The following GLCCI1 variants were observed in gnomAD, a reference collection of about 807,000 sequenced individuals.
GLCCI1 encodes the protein glucocorticoid-induced transcript 1 protein.
In GLCCI1, 24 loss-of-function variants were observed where a neutral mutation model predicts 52.2. The observed-to-expected ratio is 0.46, with a 90% CI of 0.33 to 0.65. GLCCI1 has a LOEUF of 0.65. GLCCI1 is among the 30% of genes least tolerant of loss of function. The pLI, the probability that GLCCI1 is intolerant of heterozygous loss-of-function variation, is 0.02. For missense variants in GLCCI1, 704 were observed against 701.5 expected (o/e 1.00, Z -0.04); for synonymous variants, 310 against 276.5 (o/e 1.12, Z -1.20).
intron 3 of GLCCI1, among the ~76,000 whole-genome samples, chr7:8,043,116 A>C (rs898267939): frequency 2.6e-5 from 4 of 152,234 alleles, no homozygotes; most frequent in Non-Finnish European, 4.4e-5. Context: ...TTTTAGCAAT[A>C]AAGTATTTTA....
At chr7:8,058,523 G>T (rs1453390664) in intron 4 of GLCCI1, among the ~76,000 whole-genome samples, 1 of 152,096 alleles carries the variant, frequency 6.6e-6, no homozygotes, top group African/African-American at 2.4e-5. Context: ...CTCTGCCTAG[G>T]GATTATCAGA....
At chr7:7,992,302 T>C in intron 1 of GLCCI1, among the ~76,000 whole-genome samples, 1 of 152,028 alleles carries the variant, frequency 6.6e-6, no homozygotes, top group East Asian at 1.9e-4. Flanking sequence ...CCCATAGAGA[T>C]ACTGAACATA....
rs58585860 is a variant in GLCCI1, at chr7:8,081,645, A to G, written c.1178-3252A>G. Among the ~76,000 whole-genome samples, 51 of 152,316 alleles carry G rather than the reference A, an allele frequency of 3.3e-4. 1 individual carries two copies. In the East Asian group the frequency reaches 8.9e-3, roughly 26 times the overall value. Reference sequence around the variant, plus strand: ...CAGAATACTCAAGCTATACAAGTACATGTAGTTTAATGAATATTGTTTCTA... The same window carrying G: ...CAGAATACTCAAGCTATACAAGTACGTGTAGTTTAATGAATATTGTTTCTA... On this transcript the variant is annotated intron_variant, in intron 6 of 7. Coordinates refer to ENST00000223145, the MANE Select transcript of GLCCI1 (RefSeq NM_138426.4).
At position 7,990,329 on chromosome 7, in the gene GLCCI1, G is replaced by A. The variant is rs547811174; in HGVS notation, c.458-13579G>A. 4.6e-5 allele frequency among the ~76,000 whole-genome samples: 7 copies of A among 152,174 alleles called. No homozygotes were observed. The South Asian group carries it at 1.0e-3, about 23-fold the overall frequency. On this transcript the variant is annotated intron_variant, in intron 1 of 7. Transcript: ENST00000223145. ...AAACTTTGTGACTGTAGTCTGTATC[G>A]CCTGGACAGTGCCATTTTGACTGAA...
chr7:8,007,712 C>T (rs1033702822), intron 2 of GLCCI1, among the ~76,000 whole-genome samples: 2 of 152,192 alleles, frequency 1.3e-5, no homozygotes, highest in Admixed American at 6.5e-5. Flanking sequence ...AGACATTAAA[C>T]ACCTGGGCTG....
rs571726894 is a variant in GLCCI1, at chr7:8,023,588, C to CTTTTTTTT, written c.696+1040_696+1047dup. Among the ~76,000 whole-genome samples, 97 of 41,990 alleles carry CTTTTTTTT rather than the reference C, an allele frequency of 2.3e-3. 8 individuals are homozygous for CTTTTTTTT. Among genetic ancestry groups the CTTTTTTTT allele is most frequent in the East Asian group, 7.0e-3 (12 of 1,718 alleles). The allele number at this position is 41,990 out of a possible 152,430, so 27.5% of individuals were successfully genotyped here. A position where few individuals can be genotyped will look rare whatever the true frequency, so the allele number is the denominator to read the frequency against. On this transcript the variant is annotated intron_variant, in intron 3 of 7. Transcript: ENST00000223145. ...AGATGGTCATCTAATCTCTGTTATT[C>CTTTTTTTT]TTTTTTTTTTTTTTTTTTTTTTTTT...
At position 7,985,551 on chromosome 7, in the gene GLCCI1, C is replaced by A. The variant is rs1012583510; in HGVS notation, c.457+15744C>A. On this transcript the variant is annotated intron_variant, in intron 1 of 7. Coordinates refer to ENST00000223145, the MANE Select transcript of GLCCI1 (RefSeq NM_138426.4). The stretch of plus-strand genomic sequence containing the variant: ...CCTGGAACTTTAAGTTAAAAAAAAA[C>A]CAGTGAACACCCAACTAGACATATT... Among the ~76,000 whole-genome samples the A allele has an allele frequency of 7.3e-5, 11 of 150,426 alleles. No individual in the cohort carries two copies. In the East Asian group the frequency reaches 7.8e-4, roughly 11 times the overall value.
At chr7:8,033,108 T>C (rs891038821) in intron 3 of GLCCI1, among the ~76,000 whole-genome samples, 22 of 151,894 alleles carry the variant, frequency 1.4e-4, no homozygotes, top group Admixed American at 1.4e-3. Context: ...ATCAGAAAAT[T>C]AGTTAATGGC....
intron 4 of GLCCI1, among the ~76,000 whole-genome samples, chr7:8,059,105 G>A (rs1782461432): frequency 6.6e-6 from 1 of 152,184 alleles, no homozygotes; most frequent in South Asian, 2.1e-4. Context: ...CAGGGTGGCA[G>A]AGGTGGAAGA....
At chr7:8,078,066 C>A (rs1295224848) in intron 6 of GLCCI1, among the ~76,000 whole-genome samples, 2 of 151,858 alleles carry the variant, frequency 1.3e-5, no homozygotes, top group African/African-American at 2.4e-5. Context: ...AACCCCGTCT[C>A]TACTAAAAAT....
chr7:7,992,660 G>T (rs1309431591), intron 1 of GLCCI1, among the ~76,000 whole-genome samples: 1 of 151,806 alleles, frequency 6.6e-6, no homozygotes, highest in Non-Finnish European at 1.5e-5. Flanking sequence ...AGTATTTTTT[G>T]TTTTGTTCCT....
intron 1 of GLCCI1, among the ~76,000 whole-genome samples, chr7:7,970,734 G>T (rs951574934): frequency 2.6e-5 from 4 of 152,102 alleles, no homozygotes; most frequent in African/African-American, 7.2e-5. Flanking sequence ...TGAGCCCTGG[G>T]GGAGAAAAGG....
chr7:7,995,548 A>T (rs1044768268), intron 1 of GLCCI1, among the ~76,000 whole-genome samples: 1 of 152,220 alleles, frequency 6.6e-6, no homozygotes, highest in Non-Finnish European at 1.5e-5. Flanking sequence ...TGGCACATAT[A>T]CACCATGGAA....
intron 3 of GLCCI1, among the ~76,000 whole-genome samples, chr7:8,025,195 G>T (rs909698139): frequency 2.0e-5 from 3 of 152,180 alleles, no homozygotes; most frequent in African/African-American, 7.2e-5. Context: ...GGCCACCGAT[G>T]TGTTCTTGGC....
intron 1 of GLCCI1, among the ~76,000 whole-genome samples, chr7:7,989,973 C>G (rs1410489386): frequency 6.6e-6 from 1 of 152,022 alleles, no homozygotes; most frequent in African/African-American, 2.4e-5. Flanking sequence ...ATGCGTAGTT[C>G]AGTTCTTGTC....
At chr7:7,984,467 T>G (rs1408310046) in intron 1 of GLCCI1, among the ~76,000 whole-genome samples, 7 of 150,076 alleles carry the variant, frequency 4.7e-5, no homozygotes, top group African/African-American at 1.7e-4. Flanking sequence ...GTGGTAATAC[T>G]GAGCTCCAAG....
rs144379279 is a variant in GLCCI1, at chr7:8,022,539, G to A, written c.666G>A (p.Ala222=). 2.3e-4 allele frequency: 357 copies of A among 1,581,966 alleles called. 1 individual carries two copies. The African/African-American group carries it at 4.0e-3, about 18-fold the overall frequency. ...AAAAGAGGTCACATCAGCGTTCTGC[G>A]TCATGGGGGAGTGCTGATCAACTAA... The part of the protein sequence containing the change: ...GAEKRSHQRS[A]SWGSADQLKE... Residue 222 remains alanine (A), a synonymous_variant, in exon 3 of 8, where the codon GCG becomes GCA. Transcript: ENST00000223145.
intron 1 of GLCCI1, among the ~76,000 whole-genome samples, chr7:7,997,894 T>C (rs1015747577): frequency 2.0e-5 from 3 of 151,624 alleles, no homozygotes; most frequent in Non-Finnish European, 4.4e-5. Flanking sequence ...ACCACTGTAC[T>C]CCAGCCTGGG....
intron 3 of GLCCI1, among the ~76,000 whole-genome samples, chr7:8,038,842 A>G (rs1334105676): frequency 6.6e-6 from 1 of 152,220 alleles, no homozygotes; most frequent in African/African-American, 2.4e-5. Context: ...AATGCAAGAA[A>G]ATATTTGCAA....
Sources: gnomAD v4.1 joint callset for allele counts (sites outside exome capture counted in the v4.1 genomes callset) on GRCh38, gnomAD v4.1.1 for gene constraint, MANE v1.5 for transcripts, NCBI Gene and HGNC (gene_info 2026-07-23, HGNC 2026-07-21) for gene names.